The following NDST3 variants were observed in gnomAD, a reference collection of about 807,000 sequenced individuals.
The protein encoded by NDST3 is N-deacetylase and N-sulfotransferase 3, also known as bifunctional heparan sulfate N-deacetylase/N-sulfotransferase 3.
A neutral mutation model predicts 96.1 loss-of-function variants in NDST3; 58 were observed. That is an observed-to-expected ratio of 0.60 (90% CI 0.49 to 0.75). The LOEUF is 0.75. NDST3 is among the 30% of genes least tolerant of loss of function. The probability of loss-of-function intolerance (pLI) is 0.00; values close to 1 mark genes in which losing one functional copy is unlikely to be tolerated. For synonymous variants in NDST3, 333 were observed against 359.7 expected (o/e 0.93, Z 0.84); for missense variants, 788 against 1,034.2 (o/e 0.76, Z 3.27).
At chr4:118,131,381 T>C (rs1467124318) in intron 4 of NDST3, among the ~76,000 whole-genome samples, 1 of 151,972 alleles carries the variant, frequency 6.6e-6, no homozygotes, top group Non-Finnish European at 1.5e-5. Flanking sequence ...ATTAAGTGAC[T>C]CTGATGCATT....
intron 2 of NDST3, among the ~76,000 whole-genome samples, chr4:118,066,090 T>A (rs1454917444): frequency 9.3e-5 from 4 of 42,900 alleles, no homozygotes; most frequent in Non-Finnish European, 2.0e-4. Context: ...ATATTATATA[T>A]TATATATATT....
rs1726438628 is a variant in NDST3, at chr4:118,066,322, T to TC, written c.981+11431_981+11432insC. On this transcript the variant is annotated intron_variant, in intron 2 of 13. Coordinates refer to ENST00000296499, the MANE Select transcript of NDST3 (RefSeq NM_004784.3). The stretch of plus-strand genomic sequence containing the variant: ...TATTATGTATTATATATATTATATA[T>TC]ATTATGTATTATATATATTATATAT... Among the ~76,000 whole-genome samples, 2 of 17,788 alleles carry TC rather than the reference T, an allele frequency of 1.1e-4. 1 individual carries two copies. The highest frequency in any genetic ancestry group is 4.6e-4 in the Non-Finnish European group (2 of 4,362). The allele number at this position is 17,788 out of a possible 152,430, so 11.7% of individuals were successfully genotyped here.
At chr4:118,166,707 G>C (rs937680601) in intron 6 of NDST3, among the ~76,000 whole-genome samples, 1 of 151,940 alleles carries the variant, frequency 6.6e-6, no homozygotes, top group Non-Finnish European at 1.5e-5. Context: ...CCATGACTAA[G>C]TGGCATTGAT....
intron 4 of NDST3, 147 bp downstream of exon 4, chr4:118,115,107 G>A (rs544987566): frequency 2.6e-6 from 2 of 773,850 alleles, no homozygotes; most frequent in Non-Finnish European, 2.1e-6. Context: ...TCAGTATGTG[G>A]CTCTTGAGTT....
chr4:118,122,327 G>C (rs757735201), intron 4 of NDST3, among the ~76,000 whole-genome samples: 1 of 152,118 alleles, frequency 6.6e-6, no homozygotes, highest in Admixed American at 6.5e-5. Context: ...TTAAGATGGA[G>C]GGGGCACTTG....
chr4:118,061,395 C>A (rs1725883230), intron 2 of NDST3, among the ~76,000 whole-genome samples: 1 of 152,104 alleles, frequency 6.6e-6, no homozygotes, highest in Non-Finnish European at 1.5e-5. Flanking sequence ...TTATGATCAC[C>A]AATGATGTGC....
chr4:118,166,562 T>C (rs1316884710), intron 6 of NDST3, among the ~76,000 whole-genome samples: 1 of 151,900 alleles, frequency 6.6e-6, no homozygotes, highest in Non-Finnish European at 1.5e-5. Context: ...AGGTCAGCAA[T>C]AGCCTGATAC....
At chr4:118,095,218 T>G (rs993658709) in intron 2 of NDST3, among the ~76,000 whole-genome samples, 7 of 151,806 alleles carry the variant, frequency 4.6e-5, no homozygotes, top group Non-Finnish European at 7.4e-5. Context: ...ACAGAAAGAC[T>G]AAAACCTTGA....
intron 6 of NDST3, among the ~76,000 whole-genome samples, chr4:118,187,908 G>A (rs905991263): frequency 3.3e-5 from 5 of 152,128 alleles, no homozygotes; most frequent in Non-Finnish European, 7.4e-5. Context: ...TGGATGGCAA[G>A]AGCAATCTTT....
chr4:118,147,667 AAGTTTCC>A (rs1380163321), intron 6 of NDST3, among the ~76,000 whole-genome samples: 2 of 152,204 alleles, frequency 1.3e-5, no homozygotes, highest in African/African-American at 4.8e-5. Flanking sequence ...TCATTTTAAC[AAGTTTCC>A]AGTTCCACCT....
chr4:118,210,229 T>C (rs2125985674), intron 6 of NDST3, among the ~76,000 whole-genome samples: 1 of 152,200 alleles, frequency 6.6e-6, no homozygotes, highest in African/African-American at 2.4e-5. Context: ...GAGCTCTGGC[T>C]TGAGGGTCAC....
At chr4:118,129,270 CA>C (rs1732395326) in intron 4 of NDST3, among the ~76,000 whole-genome samples, 1 of 151,806 alleles carries the variant, frequency 6.6e-6, no homozygotes, top group Non-Finnish European at 1.5e-5. Context: ...CTTTAAGATG[CA>C]TTGTTAGATT....
chr4:118,057,435 A>G (rs1265084364), intron 2 of NDST3, among the ~76,000 whole-genome samples: 1 of 152,014 alleles, frequency 6.6e-6, no homozygotes, highest in Non-Finnish European at 1.5e-5. Context: ...TCACCACATG[A>G]AAGTGTGTGA....
chr4:118,184,811 T>C (rs1736837729), intron 6 of NDST3, among the ~76,000 whole-genome samples: 1 of 152,182 alleles, frequency 6.6e-6, no homozygotes, highest in Non-Finnish European at 1.5e-5. Flanking sequence ...TGTAAGCATG[T>C]TTGTGGTCTG....
intron 1 of NDST3, among the ~76,000 whole-genome samples, chr4:118,048,615 A>C (rs1724900929): frequency 6.6e-6 from 1 of 152,208 alleles, no homozygotes; most frequent in South Asian, 2.1e-4. Flanking sequence ...ACCAATAAAA[A>C]TTTAAGAAGA....
chr4:118,076,297 T>G (rs953306936), intron 2 of NDST3, among the ~76,000 whole-genome samples: 1 of 152,158 alleles, frequency 6.6e-6, no homozygotes. Context: ...TCTTGTATAG[T>G]ATCTCACAGG....
intron 4 of NDST3, 119 bp downstream of exon 4, chr4:118,115,079 T>C (rs1428488044): frequency 9.3e-7 from 1 of 1,076,728 alleles, no homozygotes; most frequent in Non-Finnish European, 1.3e-6. Flanking sequence ...ATTTGGAATA[T>C]TTTGGTATTG....
At chr4:118,150,647 C>T (rs1308012522) in intron 6 of NDST3, among the ~76,000 whole-genome samples, 6 of 151,516 alleles carry the variant, frequency 4.0e-5, no homozygotes. Flanking sequence ...TGCTCACCAT[C>T]ACTGGCCATC....
chr4:118,146,872 C>T (rs1733989690), intron 6 of NDST3, among the ~76,000 whole-genome samples: 1 of 152,130 alleles, frequency 6.6e-6, no homozygotes, highest in African/African-American at 2.4e-5. Context: ...TTCCATTTTT[C>T]TAATACTACT....
Sources: allele counts gnomAD v4.1 joint callset (sites outside exome capture counted in the v4.1 genomes callset), GRCh38; gene constraint gnomAD v4.1.1; transcripts MANE v1.5; gene names NCBI Gene and HGNC (gene_info 2026-07-23, HGNC 2026-07-21).